ANTXR2: variants seen among roughly 807,000 people sequenced by gnomAD.
ANTXR2 encodes anthrax toxin receptor 2.
ANTXR2 carries 44 observed loss-of-function variants against 73.7 expected under a neutral mutation model. The observed-to-expected ratio is 0.60, with a 90% confidence interval of 0.47 to 0.77. ANTXR2 has a LOEUF of 0.77. ANTXR2 is among the 30% of genes least tolerant of loss of function. ANTXR2 has a pLI of 0.00. For missense variants in ANTXR2, 604 were observed against 592.5 expected (o/e 1.02, Z -0.20); for synonymous variants, 217 against 205.9 (o/e 1.05, Z -0.46).
intron 10 of ANTXR2, among the ~76,000 whole-genome samples, chr4:80,027,099 A>T (rs746141276): frequency 1.8e-4 from 27 of 152,282 alleles, no homozygotes; most frequent in Non-Finnish European, 2.5e-4. Flanking sequence ...TAAAGACATA[A>T]CTAATGTCTT....
At position 80,033,392 on chromosome 4, in the gene ANTXR2, C is replaced by T. The variant is rs541674368; in HGVS notation, c.796+80G>A. ...ATTAAAAAATATGTCAGTTAGTTTT[C>T]GTTGGAGAAAAAAAGAAAACATTTG... On this transcript the variant is annotated intron_variant, in intron 9 of 16. Coordinates refer to ENST00000403729, the MANE Select transcript of ANTXR2 (RefSeq NM_058172.6). 452 of 1,033,520 alleles carry T rather than the reference C, an allele frequency of 4.4e-4. 2 individuals carry two copies. In the African/African-American group the frequency reaches 6.1e-3, roughly 14 times the overall value. 64.0% of individuals were successfully genotyped at this position (1,033,520 alleles called of 1,614,324 possible).
chr4:80,003,464 T>C, intron 12 of ANTXR2, among the ~76,000 whole-genome samples: 1 of 150,998 alleles, frequency 6.6e-6, no homozygotes, highest in African/African-American at 2.4e-5. Flanking sequence ...TAATGCTAAA[T>C]GACAAGTTAA....
At position 79,907,340 on chromosome 4, in the gene ANTXR2, G is replaced by C. The variant is rs1726954892; in HGVS notation, c.*89C>G. ...TTAAGCTGCTCTTCCAAAAGCTTCT[G>C]AAATGCACTTGATTTTTTTCATTTG... On this transcript the variant is annotated 3_prime_UTR_variant, in exon 17 of 17. Coordinates refer to ENST00000403729, the MANE Select transcript of ANTXR2 (RefSeq NM_058172.6). 22 of 1,411,826 alleles carry C rather than the reference G, an allele frequency of 1.6e-5. No individual in the cohort carries two copies. The highest frequency in any genetic ancestry group is 2.2e-5 in the Non-Finnish European group (22 of 1,004,600). 87.5% of individuals were successfully genotyped at this position (1,411,826 alleles called of 1,614,324 possible). A position where few individuals can be genotyped will look rare whatever the true frequency, so the allele number is the denominator to read the frequency against.
Position 79,905,696 on chromosome 4 carries a change from TTGTG to T in ANTXR2, c.*1729_*1732del, listed in dbSNP as rs1162235603. On this transcript the variant is annotated 3_prime_UTR_variant, in exon 17 of 17. Transcript: ENST00000403729. ...TATATATGTATAGAAAATTATATATTTGTGTGTGTGTGTAAGGCCTCTTGGAACA... is the reference window on the plus strand; with the variant it reads ...TATATATGTATAGAAAATTATATATTTGTGTGTGTAAGGCCTCTTGGAACA... 1.3e-5 allele frequency: 2 copies of T among 152,094 alleles called. No homozygotes were observed. Among genetic ancestry groups the T allele is most frequent in the African/African-American group, 2.4e-5 (1 of 41,374 alleles). 9.4% of individuals were successfully genotyped at this position (152,094 alleles called of 1,614,324 possible). A position where few individuals can be genotyped will look rare whatever the true frequency, so the allele number is the denominator to read the frequency against.
chr4:80,055,106 A>G (rs1733932201), intron 6 of ANTXR2, 44 bp downstream of exon 6: 1 of 1,491,348 alleles, frequency 6.7e-7, no homozygotes, highest in Admixed American at 2.0e-5. Context: ...CCTTAAGACA[A>G]TTATGTGGTT....
chr4:79,986,723 G>A (rs1473593357), intron 12 of ANTXR2, among the ~76,000 whole-genome samples: 2 of 152,114 alleles, frequency 1.3e-5, no homozygotes, highest in Non-Finnish European at 2.9e-5. Flanking sequence ...CACAACCAGA[G>A]CACTTTTGTC....
At position 80,055,913 on chromosome 4, in the gene ANTXR2, C is replaced by T. The variant is rs1370745000; in HGVS notation, c.378+19G>A. On this transcript the variant is annotated intron_variant, in intron 4 of 16. Transcript: ENST00000403729. ...AAGAAAGCATTCTCTCCCATATTTA[C>T]AAATGTAAAATAACTTACTAGCTTT... The T allele has an allele frequency of 6.8e-6, 10 of 1,470,798 alleles. No homozygotes were observed. The highest frequency in any genetic ancestry group is 9.2e-6 in the Non-Finnish European group (10 of 1,090,874). 91.1% of individuals were successfully genotyped at this position (1,470,798 alleles called of 1,614,324 possible).
chr4:80,038,167 T>C (rs1245883803), intron 7 of ANTXR2, among the ~76,000 whole-genome samples: 1 of 152,142 alleles, frequency 6.6e-6, no homozygotes, highest in Non-Finnish European at 1.5e-5. Flanking sequence ...AAGGATTTTC[T>C]AAAGATCATG....
chr4:80,014,669 C>T (rs975079737), intron 11 of ANTXR2, among the ~76,000 whole-genome samples: 1 of 152,154 alleles, frequency 6.6e-6, no homozygotes, highest in Non-Finnish European at 1.5e-5. Flanking sequence ...AGCAGTTTTA[C>T]AGACCTTGGA....
At chr4:80,015,153 T>C (rs1057129867) in intron 11 of ANTXR2, among the ~76,000 whole-genome samples, 18 of 152,194 alleles carry the variant, frequency 1.2e-4, no homozygotes, top group East Asian at 7.7e-4. Context: ...ACTCACGAGA[T>C]GTGAAGCTAT....
At chr4:79,953,898 G>C (rs1728796763) in intron 16 of ANTXR2, among the ~76,000 whole-genome samples, 1 of 151,834 alleles carries the variant, frequency 6.6e-6, no homozygotes, top group Non-Finnish European at 1.5e-5. Context: ...TACAAAAATA[G>C]TTCACTAGTA....
intron 16 of ANTXR2, among the ~76,000 whole-genome samples, chr4:79,909,945 G>A (rs1172499480): frequency 1.3e-5 from 2 of 152,058 alleles, no homozygotes; most frequent in African/African-American, 2.4e-5. Context: ...ACACTACATC[G>A]TGCCATAATA....
chr4:80,031,202 C>A (rs1051340627), intron 10 of ANTXR2, among the ~76,000 whole-genome samples: 2 of 151,646 alleles, frequency 1.3e-5, no homozygotes, highest in Non-Finnish European at 2.9e-5. Context: ...GCACTTTAAT[C>A]GCAATATTTA....
chr4:79,951,376 T>A (rs1191396631), intron 16 of ANTXR2, among the ~76,000 whole-genome samples: 1 of 152,004 alleles, frequency 6.6e-6, no homozygotes, highest in Non-Finnish European at 1.5e-5. Context: ...GGTCAGGAGT[T>A]TGAGACCAGC....
At chr4:79,948,039 TAGAA>T (rs1429667358) in intron 16 of ANTXR2, among the ~76,000 whole-genome samples, 1 of 152,186 alleles carries the variant, frequency 6.6e-6, no homozygotes, top group African/African-American at 2.4e-5. Context: ...TAATTAATGA[TAGAA>T]ATAGTGGAAA....
At chr4:79,953,542 A>G (rs978896721) in intron 16 of ANTXR2, among the ~76,000 whole-genome samples, 11 of 152,178 alleles carry the variant, frequency 7.2e-5, no homozygotes, top group Admixed American at 1.3e-4. Context: ...GAGAGCTTTG[A>G]TAATTGAAAT....
chr4:79,919,798 TA>T (rs11302024), intron 16 of ANTXR2, among the ~76,000 whole-genome samples: 85,775 of 146,348 alleles, frequency 0.59, 25,405 homozygotes, highest in Non-Finnish European at 0.61. Context: ...TACTCCTTAA[TA>T]AACTCCCTTT....
chr4:79,913,768 T>C (rs868700927), intron 16 of ANTXR2, among the ~76,000 whole-genome samples: 2 of 152,160 alleles, frequency 1.3e-5, no homozygotes, highest in African/African-American at 4.8e-5. Context: ...CTGTGGCTTT[T>C]CTGCAAGGTG....
At chr4:80,030,448 T>C (rs1222446446) in intron 10 of ANTXR2, among the ~76,000 whole-genome samples, 1 of 152,066 alleles carries the variant, frequency 6.6e-6, no homozygotes, top group Non-Finnish European at 1.5e-5. Flanking sequence ...GGGGTTAAGA[T>C]GGCTCCACAA....
Sources: gnomAD v4.1 joint callset for allele counts (sites outside exome capture counted in the v4.1 genomes callset) on GRCh38, gnomAD v4.1.1 for gene constraint, MANE v1.5 for transcripts, NCBI Gene and HGNC (gene_info 2026-07-23, HGNC 2026-07-21) for gene names.